Variants in EDNRB observed in about 807,000 individuals in gnomAD.
EDNRB encodes the protein endothelin receptor type B.
A neutral mutation model predicts 46.4 loss-of-function variants in EDNRB; 18 were observed. The ratio of observed to expected loss-of-function variants is 0.39; its 90% CI spans 0.27 to 0.57. The LOEUF is 0.57. EDNRB is among the 20% of genes least tolerant of loss of function. The probability of loss-of-function intolerance (pLI) is 0.61; values close to 1 mark genes in which losing one functional copy is unlikely to be tolerated. For synonymous variants in EDNRB, 213 were observed against 204.9 expected, an observed-to-expected ratio of 1.04 and a Z score of -0.34; for missense variants, 434 against 537.5, an observed-to-expected ratio of 0.81 and a Z score of 1.90.
At chr13:77,941,567 C>G (rs920554914) in intron 1 of EDNRB, among the ~76,000 whole-genome samples, 3 of 152,224 alleles carry the variant, frequency 2.0e-5, no homozygotes, top group Non-Finnish European at 2.9e-5. Context: ...ATTTTCCTCA[C>G]AGCAGCTTCA....
intron 1 of EDNRB, among the ~76,000 whole-genome samples, chr13:77,914,124 A>G (rs2137632624): frequency 6.6e-6 from 1 of 152,348 alleles, no homozygotes; most frequent in South Asian, 2.1e-4. Context: ...CAATATGGCA[A>G]TATCTTTCAA....
rs1046390473 is a variant in EDNRB, at chr13:77,918,154, G to A, written c.420C>T (p.Ile140=). Residue 140 remains isoleucine, a synonymous_variant, in exon 1 of 7, where the codon ATC becomes ATT. Coordinates refer to ENST00000646607, the MANE Select transcript of EDNRB (RefSeq NM_001122659.3). This position sits in a 1 kb window ranked among gnomAD's most constrained non-coding sequence, Gnocchi z 4.5. ...GCAGGTCTCCCAGAGCCAAGCTGGCGATCAAGATATTGGGACCGTTTCGCA... is the reference window on the plus strand; with the variant it reads ...GCAGGTCTCCCAGAGCCAAGCTGGCAATCAAGATATTGGGACCGTTTCGCA... The part of the protein sequence containing the change: ...KCMRNGPNIL[I]ASLALGDLLH... The A allele has an allele frequency of 1.9e-6, 3 of 1,614,020 alleles. No homozygotes were observed. Among genetic ancestry groups the A allele is most frequent in the Non-Finnish European group, 2.5e-6 (3 of 1,180,038 alleles).
At chr13:77,907,740 G>A (rs1378534934) in intron 1 of EDNRB, among the ~76,000 whole-genome samples, 2 of 151,866 alleles carry the variant, frequency 1.3e-5, no homozygotes, top group Non-Finnish European at 2.9e-5. Flanking sequence ...GACCATTGAA[G>A]GGAAAGAAGT....
intron 1 of EDNRB, among the ~76,000 whole-genome samples, chr13:77,916,581 G>A (rs12720179): frequency 0.013 from 2,008 of 152,208 alleles, 40 homozygotes; most frequent in African/African-American, 0.046. Flanking sequence ...AGAAATGTTC[G>A]GAATTCCCCT....
At chr13:77,971,626 T>C (rs1282381672) in intron 1 of EDNRB, among the ~76,000 whole-genome samples, 1 of 151,822 alleles carries the variant, frequency 6.6e-6, no homozygotes, top group African/African-American at 2.4e-5. Flanking sequence ...TTGCTGCTGT[T>C]GATTGTAATA....
upstream of EDNRB, chr13:77,919,775 T>C: frequency 1.5e-6 from 1 of 671,144 alleles, no homozygotes; most frequent in Non-Finnish European, 2.5e-6. Context: ...GTTTATTTGT[T>C]AGAGTTCTAC....
chr13:77,910,559 C>A (rs1879518233), intron 1 of EDNRB, among the ~76,000 whole-genome samples: 1 of 152,010 alleles, frequency 6.6e-6, no homozygotes, highest in South Asian at 2.1e-4. Context: ...ATATTTTCTT[C>A]TTGACATACA....
Position 77,903,213 on chromosome 13 carries a change from T to A in EDNRB, c.744A>T (p.Lys248Asn), listed in dbSNP as rs758280131. ...IGFDIITMDY[K>N]GSYLRICLLH... ...GCAAGCAGATTCGCAGATAACTTCC[T>A]TTGTAGTCCATCGTAATTATATCAA... The change falls in exon 3 of 7, where the codon AAA becomes AAT. Residue 248 changes from lysine (K) to asparagine (N), a missense_variant. Lys to Asn is a moderately conservative substitution (Grantham distance 94). Transcript: ENST00000646607. The A allele has an allele frequency of 6.2e-7, 1 of 1,612,886 alleles. No homozygotes were observed. Among genetic ancestry groups the A allele is most frequent in the African/African-American group, 1.3e-5 (1 of 74,804 alleles).
chr13:77,941,374 G>T lies in EDNRB; in HGVS notation c.-51-22750C>A, dbSNP rs544877467. Reference sequence around the variant, plus strand: ...CTAGAAGGGAAGGGATGGTATGGTTGGTTTGTCTATTCTCTGTTCTGAGGA... The same window carrying T: ...CTAGAAGGGAAGGGATGGTATGGTTTGTTTGTCTATTCTCTGTTCTGAGGA... On this transcript the variant is annotated intron_variant, in intron 1 of 7. Coordinates refer to the EDNRB transcript ENST00000646948. 7.2e-5 allele frequency among the ~76,000 whole-genome samples: 11 copies of T among 152,252 alleles called. No homozygotes were observed. The South Asian group carries it at 2.3e-3, about 32-fold the overall frequency.
intron 1 of EDNRB, among the ~76,000 whole-genome samples, chr13:77,961,407 G>T (rs990523697): frequency 6.6e-6 from 1 of 152,220 alleles, no homozygotes; most frequent in African/African-American, 2.4e-5. Context: ...AAATGTAAAA[G>T]AACAGAAATA....
chr13:77,905,166 C>T (rs1170399489), intron 1 of EDNRB, among the ~76,000 whole-genome samples: 1 of 151,800 alleles, frequency 6.6e-6, no homozygotes, highest in Non-Finnish European at 1.5e-5. Context: ...CTCAGAAAGT[C>T]ATTGGTGTCA....
At chr13:77,955,591 A>G (rs1362978947) in intron 1 of EDNRB, among the ~76,000 whole-genome samples, 2 of 152,158 alleles carry the variant, frequency 1.3e-5, no homozygotes, top group Non-Finnish European at 2.9e-5. Context: ...GTTTTCTTCT[A>G]AGAGTTTTAT....
chr13:77,927,648 G>A (rs1438873581), intron 1 of EDNRB, among the ~76,000 whole-genome samples: 1 of 152,148 alleles, frequency 6.6e-6, no homozygotes, highest in Admixed American at 6.5e-5. Context: ...AGCAAGAGCT[G>A]TAACATATTT....
At position 77,918,536 on chromosome 13, in the gene EDNRB, A is replaced by T. The variant is rs2137640356; in HGVS notation, c.38T>A (p.Val13Asp). Residue 13 changes from valine (V) to aspartate (D), a missense_variant, in exon 1 of 7, where the codon GTT (valine) becomes GAT (aspartate). By Grantham distance (152) the Val-to-Asp change is radical (BLOSUM62 -3). Coordinates refer to ENST00000646607, the MANE Select transcript of EDNRB (RefSeq NM_001122659.3). This position sits in a 1 kb window ranked among gnomAD's most constrained non-coding sequence, Gnocchi z 4.5. ...CAGGCCGCAGGCAAGAACCAGCGCA[A>T]CCAGGGCGCGTCCGCACAGACTTGG... ...PPPSLCGRAL[V>D]ALVLACGLSR... 6.3e-7 allele frequency: 1 copy of T among 1,595,154 alleles called. No individual in the cohort carries two copies. The highest frequency in any genetic ancestry group is 8.5e-7 in the Non-Finnish European group (1 of 1,173,382).
chr13:77,909,647 T>C (rs1228887314), intron 1 of EDNRB, among the ~76,000 whole-genome samples: 1 of 152,040 alleles, frequency 6.6e-6, no homozygotes, highest in Non-Finnish European at 1.5e-5. Context: ...TTTCAGAATA[T>C]TCTACAACAT....
intron 1 of EDNRB, among the ~76,000 whole-genome samples, chr13:77,959,906 G>A (rs1881354790): frequency 6.6e-6 from 1 of 152,236 alleles, no homozygotes; most frequent in Admixed American, 6.5e-5. Flanking sequence ...AGCTTCAGTA[G>A]CTGATTCCAT....
intron 1 of EDNRB, among the ~76,000 whole-genome samples, chr13:77,926,928 A>C (rs1880255117): frequency 6.6e-6 from 1 of 152,208 alleles, no homozygotes; most frequent in Admixed American, 6.5e-5. Flanking sequence ...AGGAATATGC[A>C]AAAGCAGAAA....
chr13:77,915,421 G>T (rs1047997964), intron 1 of EDNRB, among the ~76,000 whole-genome samples: 1 of 152,194 alleles, frequency 6.6e-6, no homozygotes, highest in Non-Finnish European at 1.5e-5. Flanking sequence ...CAATACTCAA[G>T]GTTGGAGATG....
At chr13:77,960,118 A>T (rs1227290021) in intron 1 of EDNRB, among the ~76,000 whole-genome samples, 1 of 152,182 alleles carries the variant, frequency 6.6e-6, no homozygotes, top group Non-Finnish European at 1.5e-5. Context: ...CACTCTGCAG[A>T]ATATTATCCA....
Sources: gnomAD v4.1 joint callset for allele counts (sites outside exome capture counted in the v4.1 genomes callset) on GRCh38, gnomAD v4.1.1 for gene constraint, Gnocchi (gnomAD v3.1) non-coding constraint, MANE v1.5 for transcripts, NCBI Gene and HGNC (gene_info 2026-07-23, HGNC 2026-07-21) for gene names.